CCDC187: variants seen among roughly 807,000 people sequenced by gnomAD.
CCDC187 encodes coiled-coil domain containing 187.
In CCDC187, 32 loss-of-function variants were observed where a neutral mutation model predicts 38.0. The observed-to-expected ratio is 0.84, with a 90% CI of 0.64 to 1.13. The LOEUF (loss-of-function observed/expected upper bound fraction) is 1.13, where lower values mean the gene tolerates loss of function less well. Among genes scored for constraint, CCDC187 ranks in the 50% most tolerant of loss-of-function variants. CCDC187 has a pLI of 0.00. For missense variants in CCDC187, 707 were observed against 786.8 expected (o/e 0.90, Z 1.21); for synonymous variants, 333 against 347.9 (o/e 0.96, Z 0.48).
At position 136,290,604 on chromosome 9, in the gene CCDC187, C is replaced by T. The variant is rs953260066; in HGVS notation, c.2009G>A (p.Arg670Gln). The T allele has an allele frequency of 1.3e-4, 51 of 398,588 alleles. No homozygotes were observed. The highest frequency in any genetic ancestry group is 4.0e-4 in the Admixed American group (9 of 22,748). 24.7% of individuals were successfully genotyped at this position (398,588 alleles called of 1,614,324 possible). ...SALRTRELRSRRLQEVYRQQR... is the reference protein window; with the variant it reads ...SALRTRELRSQRLQEVYRQQR... ...CTGCCGGTAGACCTCCTGCAGCCTC[C>T]GGCTCCTCAGCTCCCGTGTGCGCAG... Residue 670 changes from arginine to glutamine, a missense_variant, in exon 6 of 26, where the codon CGG (arginine) becomes CAG (glutamine). Transcript: ENST00000638797.
At chr9:136,281,129 C>T (rs1831031375) in intron 10 of CCDC187, 1 of 305,918 alleles carries the variant, frequency 3.3e-6, no homozygotes, top group South Asian at 1.6e-4. Flanking sequence ...GCCCTCAAGC[C>T]CAGGGCTTCA....
At chr9:136,306,817 C>T (rs1267631739), upstream of CCDC187, 1 of 152,296 alleles carries the variant, frequency 6.6e-6, no homozygotes, top group Non-Finnish European at 1.5e-5. Context: ...CACACCTCCC[C>T]TTCCCAGCAA....
chr9:136,290,381 C>G (rs1045829193), intron 6 of CCDC187, 105 bp downstream of exon 6: 2 of 397,644 alleles, frequency 5.0e-6, no homozygotes, highest in African/African-American at 4.1e-5. Flanking sequence ...AGCCCTCGCC[C>G]GGCCACTCCC....
intron 14 of CCDC187, among the ~76,000 whole-genome samples, chr9:136,270,899 T>G (rs1387468915): frequency 6.6e-6 from 1 of 152,262 alleles, no homozygotes; most frequent in African/African-American, 2.4e-5. Flanking sequence ...TAGGTTATAT[T>G]TGTAATGCAA....
chr9:136,255,423 G>A (rs1358451484), intron 25 of CCDC187, among the ~76,000 whole-genome samples: 1 of 152,174 alleles, frequency 6.6e-6, no homozygotes, highest in Non-Finnish European at 1.5e-5. Context: ...GCTCTGCCTT[G>A]TTTTATTTTC....
At position 136,267,617 on chromosome 9, in the gene CCDC187, G is replaced by A. The variant is rs531484712; in HGVS notation, c.3520-106C>T. The A allele has an allele frequency of 3.5e-4, 345 of 985,304 alleles. No homozygotes were observed. In the African/African-American group the frequency reaches 5.7e-3, roughly 16 times the overall value. 61.0% of individuals were successfully genotyped at this position (985,304 alleles called of 1,614,324 possible). A position where few individuals can be genotyped will look rare whatever the true frequency, so the allele number is the denominator to read the frequency against. Reference sequence around the variant, plus strand: ...CGCGTCACCGCCTAGCTTCTAGACCGCTCCCAGCACAGGCCACCGCCTCCG... The same window carrying A: ...CGCGTCACCGCCTAGCTTCTAGACCACTCCCAGCACAGGCCACCGCCTCCG... On this transcript the variant is annotated intron_variant, in intron 15 of 25. Transcript: ENST00000638797.
At position 136,264,430 on chromosome 9, in the gene CCDC187, G is replaced by A. The variant is rs1331976906; in HGVS notation, c.3736-632C>T. Among the ~76,000 whole-genome samples, 3 of 152,186 alleles carry A rather than the reference G, an allele frequency of 2.0e-5. No homozygotes were observed. Among genetic ancestry groups the A allele is most frequent in the Non-Finnish European group, 4.4e-5 (3 of 68,028 alleles). ...CTCCCGCCTGGGATCCCTGGGCAGCGCCTGTTCTGCCAGGCCCCGTCGTTG... is the reference window on the plus strand; with the variant it reads ...CTCCCGCCTGGGATCCCTGGGCAGCACCTGTTCTGCCAGGCCCCGTCGTTG... On this transcript the variant is annotated intron_variant, in intron 17 of 25. Transcript: ENST00000638797. This position sits in a 1 kb window ranked among gnomAD's most constrained non-coding sequence, Gnocchi z 4.3.
Position 136,258,990 on chromosome 9 carries a change from C to T in CCDC187, c.4308G>A (p.Ala1436=), listed in dbSNP as rs1033097905. 134 of 985,734 alleles carry T rather than the reference C, an allele frequency of 1.4e-4. No homozygotes were observed. The highest frequency in any genetic ancestry group is 7.9e-4 in the East Asian group (7 of 8,814). 61.1% of individuals were successfully genotyped at this position (985,734 alleles called of 1,614,324 possible). A position where few individuals can be genotyped will look rare whatever the true frequency, so the allele number is the denominator to read the frequency against. Residue 1436 remains alanine (A), a synonymous_variant, in exon 22 of 26, where the codon GCG becomes GCA. Coordinates refer to ENST00000638797, the MANE Select transcript of CCDC187 (RefSeq NM_001378188.1). The surrounding 1 kb of genome is among the most constrained non-coding windows in gnomAD (Gnocchi z 4.3). ...ACTGAGCTGTGGGGAGGCGCCCCTC[C>T]GCCTCCTCGGCCTGGGGGGTGAGAC... ...RLGPAFPAEE[A]EGRLPTAQCR...
In CCDC187 at chr9:136,253,810, G is replaced by A; in HGVS notation, c.6018C>T (p.Ile2006=). The A allele has an allele frequency of 2.0e-6, 2 of 985,504 alleles. No homozygotes were observed. Among genetic ancestry groups the A allele is most frequent in the Non-Finnish European group, 2.4e-6 (2 of 829,950 alleles). 61.0% of individuals were successfully genotyped at this position (985,504 alleles called of 1,614,324 possible). A position where few individuals can be genotyped will look rare whatever the true frequency, so the allele number is the denominator to read the frequency against. The change falls in exon 26 of 26, where the codon ATC becomes ATT. Residue 2006 remains isoleucine, a synonymous_variant. Transcript: ENST00000638797. ...SYGSADLPSS[I]HREAPLPPPP... ...GTGGGGGTAGGGGGGCCTCCCTGTG[G>A]ATGGAGGACGGGAGGTCGGCACTGC... is the stretch of plus-strand genomic sequence containing the variant.
chr9:136,254,337 G>C lies in CCDC187; in HGVS notation c.5491C>G (p.Pro1831Ala), dbSNP rs1427852103. ...CATGGGGACGGAAGAGCCACCTGGGGCTCCATGCCGCTTCTGACACCCCCT... is the reference window on the plus strand; with the variant it reads ...CATGGGGACGGAAGAGCCACCTGGGCCTCCATGCCGCTTCTGACACCCCCT... The part of the protein sequence containing the change: ...LKGGVRSGME[P>A]QVALPSPWPG... The change falls in exon 26 of 26, where the codon CCC becomes GCC. Residue 1831 changes from proline to alanine, a missense_variant. Coordinates refer to ENST00000638797, the MANE Select transcript of CCDC187 (RefSeq NM_001378188.1). 16 of 984,262 alleles carry C rather than the reference G, an allele frequency of 1.6e-5. No individual in the cohort carries two copies. In the African/African-American group the frequency reaches 2.8e-4, roughly 17 times the overall value. The allele number at this position is 984,262 out of a possible 1,614,324, so 61.0% of individuals were successfully genotyped here. A position where few individuals can be genotyped will look rare whatever the true frequency, so the allele number is the denominator to read the frequency against.
rs1176329734 is a variant in CCDC187 at position 136,303,061 on chromosome 9, C to T, written c.376G>A (p.Asp126Asn). Residue 126 changes from aspartate to asparagine, a missense_variant, in exon 2 of 26, where the codon GAC (aspartate) becomes AAC (asparagine). Physicochemically the swap from Asp to Asn is conservative, Grantham distance 23 (BLOSUM62 1). Transcript: ENST00000638797. Reference protein sequence around the residue: ...GRLSCSSGGHDVCVSWKERPP... With the variant: ...GRLSCSSGGHNVCVSWKERPP... The stretch of plus-strand genomic sequence containing the variant: ...CTCTCCTTCCAAGACACACACACGT[C>T]GTGGCCCCCCGAAGAGCACGAGAGG... 2 of 398,564 alleles carry T rather than the reference C, an allele frequency of 5.0e-6. No homozygotes were observed. Among genetic ancestry groups the T allele is most frequent in the African/African-American group, 2.1e-5 (1 of 48,634 alleles). The allele number at this position is 398,564 out of a possible 1,614,324, so 24.7% of individuals were successfully genotyped here. A position where few individuals can be genotyped will look rare whatever the true frequency, so the allele number is the denominator to read the frequency against.
intron 12 of CCDC187, 60 bp from the exon 13 acceptor site, chr9:136,275,067 A>G (rs1180355653): frequency 1.3e-5 from 2 of 152,364 alleles, no homozygotes; most frequent in African/African-American, 4.8e-5. Context: ...AATTGTGGGC[A>G]TTGGGTCGGG....
At chr9:136,289,025 T>C (rs919900778) in intron 7 of CCDC187, among the ~76,000 whole-genome samples, 47 of 152,288 alleles carry the variant, frequency 3.1e-4, no homozygotes, top group African/African-American at 1.1e-3. Flanking sequence ...CGGGCATCCG[T>C]TGGCCACGAG....
At chr9:136,259,247 T>A (rs1293654177) in intron 21 of CCDC187, 116 bp downstream of exon 21, 1 of 232,312 alleles carries the variant, frequency 4.3e-6, no homozygotes, top group Non-Finnish European at 6.2e-6. Context: ...ATTGGCAGAA[T>A]GTTGGGGGGG....
chr9:136,267,409 G>C lies in CCDC187; in HGVS notation c.3622C>G (p.Leu1208Val). The C allele has an allele frequency of 1.0e-6, 1 of 985,542 alleles. No homozygotes were observed. The highest frequency in any genetic ancestry group is 1.2e-6 in the Non-Finnish European group (1 of 830,016). The allele number at this position is 985,542 out of a possible 1,614,324, so 61.0% of individuals were successfully genotyped here. ...CCTCGTCGATGCTCCAGCCAGGCCA[G>C]CTCCGCGAGCGTTTTCTCCTGGAGC... ...MALQEKTLAE[L>V]AWLEHRRGCL... Residue 1208 changes from leucine to valine, a missense_variant, in exon 16 of 26, where the codon CTG becomes GTG. Physicochemically the swap from Leu to Val is conservative, Grantham distance 32 (BLOSUM62 1). Coordinates refer to ENST00000638797, the MANE Select transcript of CCDC187 (RefSeq NM_001378188.1).
chr9:136,255,677 GCAGCCTC>G lies in CCDC187; in HGVS notation c.4666_4672del (p.Glu1556ProfsTer64). 1.0e-6 allele frequency: 1 copy of G among 985,464 alleles called. No individual in the cohort carries two copies. The highest frequency in any genetic ancestry group is 4.7e-5 in the South Asian group (1 of 21,294). The allele number at this position is 985,464 out of a possible 1,614,324, so 61.0% of individuals were successfully genotyped here. ...ATTACCTGGGGAGGCAGCGGCCTGG[GCAGCCTC>G]CAGCCAGGTGGAGGAGATGCCGGGG... On this transcript the variant is annotated frameshift_variant, in exon 25 of 26. Transcript: ENST00000638797. LOFTEE classifies it low-confidence loss of function (END_TRUNC).
intron 4 of CCDC187, among the ~76,000 whole-genome samples, chr9:136,293,144 C>T (rs1275345820): frequency 2.0e-5 from 3 of 150,562 alleles, no homozygotes; most frequent in Non-Finnish European, 4.4e-5. Flanking sequence ...TGCTCACACA[C>T]TCACAAACAC....
At chr9:136,275,226 G>A (rs1259782466) in intron 12 of CCDC187, among the ~76,000 whole-genome samples, 2 of 152,168 alleles carry the variant, frequency 1.3e-5, no homozygotes, top group Admixed American at 6.5e-5. Flanking sequence ...GGTGGCCAGT[G>A]CCCCGCCAGG....
chr9:136,286,310 G>A lies in CCDC187; in HGVS notation c.2608C>T (p.Pro870Ser). 2.5e-6 allele frequency: 1 copy of A among 398,662 alleles called. No homozygotes were observed. Among genetic ancestry groups the A allele is most frequent in the Admixed American group, 4.4e-5 (1 of 22,740 alleles). 24.7% of individuals were successfully genotyped at this position (398,662 alleles called of 1,614,324 possible). The change falls in exon 8 of 26, where the codon CCT becomes TCT. Residue 870 changes from proline (P) to serine (S), a missense_variant. By Grantham distance (74) the Pro-to-Ser change is moderately conservative. Transcript: ENST00000638797. ...GLLRSCPHSL[P>S]AAPTLATPTL... Reference sequence around the variant, plus strand: ...GGGGTGGCGAGCGTGGGGGCGGCAGGTAGGCTGTGGGGGCACGAGCGCAGC... The same window carrying A: ...GGGGTGGCGAGCGTGGGGGCGGCAGATAGGCTGTGGGGGCACGAGCGCAGC...
Sources: gnomAD v4.1 joint callset for allele counts (sites outside exome capture counted in the v4.1 genomes callset) on GRCh38, gnomAD v4.1.1 for gene constraint, Gnocchi (gnomAD v3.1) non-coding constraint, MANE v1.5 for transcripts, NCBI Gene and HGNC (gene_info 2026-07-23, HGNC 2026-07-21) for gene names.